BLOC1S5: variants seen among roughly 807,000 people sequenced by gnomAD.
The protein encoded by BLOC1S5 is biogenesis of lysosome-related organelles complex 1 subunit 5.
BLOC1S5 carries 27 observed loss-of-function variants against 24.3 expected under a neutral mutation model. That is an observed-to-expected ratio of 1.11 (90% CI 0.82 to 1.53). The LOEUF (loss-of-function observed/expected upper bound fraction) is 1.53. BLOC1S5 is among the 40% of genes most tolerant of loss of function. BLOC1S5 has a pLI of 0.00. For missense variants in BLOC1S5, 239 were observed against 229.4 expected (o/e 1.04, Z -0.27); for synonymous variants, 84 against 74.5 (o/e 1.13, Z -0.66).
intron 2 of BLOC1S5, among the ~76,000 whole-genome samples, chr6:8,060,063 A>G (rs1220681710): frequency 1.3e-5 from 2 of 152,242 alleles, no homozygotes; most frequent in Non-Finnish European, 2.9e-5. Context: ...AATTTGTGGT[A>G]ATTTATTACA....
chr6:8,059,388 A>T (rs931111948), intron 2 of BLOC1S5, among the ~76,000 whole-genome samples: 4 of 152,248 alleles, frequency 2.6e-5, no homozygotes, highest in Non-Finnish European at 4.4e-5. Flanking sequence ...ATAAAGAAAA[A>T]GGTAATTGTT....
At chr6:8,016,219 G>A (rs138160391) in intron 4 of BLOC1S5, among the ~76,000 whole-genome samples, 104 of 152,130 alleles carry the variant, frequency 6.8e-4, no homozygotes, top group African/African-American at 2.2e-3. Context: ...CCAGCTACTC[G>A]GGAGGCTGAG....
intron 3 of BLOC1S5, among the ~76,000 whole-genome samples, chr6:8,034,608 A>G (rs1366713617): frequency 6.6e-6 from 1 of 152,220 alleles, no homozygotes; most frequent in Non-Finnish European, 1.5e-5. Context: ...CATGTACCCT[A>G]GAACTTAAAG....
At chr6:8,041,058 C>A in intron 3 of BLOC1S5, 81 bp downstream of exon 3, 1 of 1,457,474 alleles carries the variant, frequency 6.9e-7, no homozygotes, top group South Asian at 1.4e-5. Context: ...CTCCACCTCC[C>A]CCCATAATAC....
chr6:8,028,140 T>C (rs1763170927), intron 3 of BLOC1S5, among the ~76,000 whole-genome samples: 2 of 152,080 alleles, frequency 1.3e-5, no homozygotes, highest in South Asian at 4.1e-4. Flanking sequence ...CCCACCCCAA[T>C]CCGGCCCCAA....
At chr6:8,039,192 A>C (rs189034771) in intron 3 of BLOC1S5, among the ~76,000 whole-genome samples, 3 of 152,326 alleles carry the variant, frequency 2.0e-5, no homozygotes, top group Admixed American at 2.0e-4. Flanking sequence ...CAAGCACAGA[A>C]AGACAAATAT....
At chr6:8,048,623 T>C (rs1763986476) in intron 2 of BLOC1S5, among the ~76,000 whole-genome samples, 1 of 152,210 alleles carries the variant, frequency 6.6e-6, no homozygotes, top group East Asian at 1.9e-4. Context: ...ACAAAATGAT[T>C]ACTAAAATAA....
intron 2 of BLOC1S5, among the ~76,000 whole-genome samples, chr6:8,044,302 A>G (rs1476375489): frequency 6.6e-6 from 1 of 151,212 alleles, no homozygotes; most frequent in Non-Finnish European, 1.5e-5. Flanking sequence ...AAAAAAAAAA[A>G]AAGAAGGAAG....
chr6:8,058,991 G>T (rs1188957880), intron 2 of BLOC1S5, among the ~76,000 whole-genome samples: 1 of 152,176 alleles, frequency 6.6e-6, no homozygotes, highest in African/African-American at 2.4e-5. Context: ...AACTTATACA[G>T]GACTATATAC....
At chr6:8,017,334 C>T (rs1383791227) in intron 4 of BLOC1S5, among the ~76,000 whole-genome samples, 1 of 152,088 alleles carries the variant, frequency 6.6e-6, no homozygotes, top group Admixed American at 6.6e-5. Flanking sequence ...GCCGAGACTG[C>T]ACCACTGAAC....
At chr6:8,041,663 T>C (rs1306886865) in intron 2 of BLOC1S5, among the ~76,000 whole-genome samples, 1 of 135,004 alleles carries the variant, frequency 7.4e-6, no homozygotes, top group Non-Finnish European at 1.6e-5. Flanking sequence ...TTCTTTTTTT[T>C]TGAGATGCAG....
Position 8,064,362 on chromosome 6 carries a change from C to G in BLOC1S5, c.15G>C (p.Gly5=). Residue 5 remains glycine (G), a synonymous_variant, in exon 1 of 5, where the codon GGG becomes GGC. Transcript: ENST00000397457. ...CCTCACAACCCACAGGGGTCTCTGT[C>G]CCTCCGCCACTCATCCCGACCAGTT... The part of the protein sequence containing the change: MSGG[G]TETPVGCEAA... 1 of 1,610,608 alleles carries G rather than the reference C, an allele frequency of 6.2e-7. No individual in the cohort carries two copies. Among genetic ancestry groups the G allele is most frequent in the Admixed American group, 1.7e-5 (1 of 59,990 alleles).
chr6:8,015,984 C>G (rs951701634), intron 4 of BLOC1S5, among the ~76,000 whole-genome samples, 156 bp from the exon 5 acceptor site: 2 of 152,198 alleles, frequency 1.3e-5, no homozygotes, highest in Non-Finnish European at 2.9e-5. Context: ...TTAGAAACAT[C>G]TAAGGCTTCT....
intron 4 of BLOC1S5, among the ~76,000 whole-genome samples, chr6:8,016,876 C>CAAAAAAAA (rs36179729): frequency 7.2e-5 from 7 of 97,612 alleles, no homozygotes; most frequent in East Asian, 3.5e-4. Flanking sequence ...TACTCTATCT[C>CAAAAAAAA]AAAAAAAAAA....
intron 3 of BLOC1S5, among the ~76,000 whole-genome samples, chr6:8,035,849 A>AAC (rs1763467940): frequency 6.6e-6 from 1 of 152,144 alleles, no homozygotes; most frequent in Non-Finnish European, 1.5e-5. Flanking sequence ...TCAACAGAGA[A>AAC]ACATTGGAGA....
intron 1 of BLOC1S5, 90 bp from the exon 2 acceptor site, chr6:8,062,706 T>C (rs1318700112): frequency 2.8e-5 from 24 of 844,290 alleles, no homozygotes; most frequent in Non-Finnish European, 4.0e-5. Context: ...CACTAAGAGA[T>C]GAAGGTTAAA....
intron 2 of BLOC1S5, among the ~76,000 whole-genome samples, chr6:8,044,009 C>A (rs924894295): frequency 6.6e-6 from 1 of 152,108 alleles, no homozygotes; most frequent in African/African-American, 2.4e-5. Flanking sequence ...TCAGGCCAGG[C>A]GCGATGGCTC....
Position 8,019,862 on chromosome 6 carries a change from C to T in BLOC1S5, c.385-4034G>A, listed in dbSNP as rs1349975216. Among the ~76,000 whole-genome samples the T allele has an allele frequency of 7.9e-5, 12 of 152,186 alleles. No individual in the cohort carries two copies. The East Asian group carries it at 9.6e-4, about 12-fold the overall frequency. ...CAGCTTAGTTAACTGGTTTCTAAGA[C>T]GACACCCTATGAAAAAGTCACAAGT... On this transcript the variant is annotated intron_variant, in intron 4 of 4. Coordinates refer to ENST00000397457, the MANE Select transcript of BLOC1S5 (RefSeq NM_201280.3).
At chr6:8,053,158 T>C (rs1032455974) in intron 2 of BLOC1S5, among the ~76,000 whole-genome samples, 11 of 152,224 alleles carry the variant, frequency 7.2e-5, no homozygotes, top group African/African-American at 2.4e-4. Flanking sequence ...GAAAATGCTG[T>C]GAACACGACT....
Sources: allele counts gnomAD v4.1 joint callset (sites outside exome capture counted in the v4.1 genomes callset), GRCh38; gene constraint gnomAD v4.1.1; transcripts MANE v1.5; gene names NCBI Gene and HGNC (gene_info 2026-07-23, HGNC 2026-07-21).